TENM2: variants seen among roughly 807,000 people sequenced by gnomAD.
TENM2 encodes the protein teneurin-2.
In TENM2, 52 loss-of-function variants were observed where a neutral mutation model predicts 245.2. That is an observed-to-expected ratio of 0.21 (90% CI 0.17 to 0.27). TENM2 has a LOEUF of 0.27. TENM2 is among the 10% of genes least tolerant of loss of function. The probability of loss-of-function intolerance (pLI) is 1.00; values close to 1 mark genes in which losing one functional copy is unlikely to be tolerated. For missense variants in TENM2, 3,046 were observed against 3,666.8 expected (o/e 0.83, Z 4.37); for synonymous variants, 1,363 against 1,438.9 (o/e 0.95, Z 1.19).
At chr5:167,321,948 C>T (rs899259456) in intron 1 of TENM2, among the ~76,000 whole-genome samples, 1 of 151,802 alleles carries the variant, frequency 6.6e-6, no homozygotes, top group Non-Finnish European at 1.5e-5. Context: ...CTGGCCTCAG[C>T]CTCCCTAGTA....
intron 7 of TENM2, among the ~76,000 whole-genome samples, chr5:168,063,439 G>A (rs1790219071): frequency 6.6e-6 from 1 of 151,996 alleles, no homozygotes; most frequent in African/African-American, 2.4e-5. Flanking sequence ...AATAAGAATT[G>A]TATATCCTGT....
At chr5:168,262,784 A>C in exon 29 of TENM2, 2 of 1,606,138 alleles carry the variant, frequency 1.2e-6, no homozygotes, top group Non-Finnish European at 8.5e-7. Context: ...CCAGTTTTTA[A>C]GACAGAATGA....
At chr5:167,506,995 TAAAATGTCAGTTAATTATGA>T (rs1769603343) in intron 2 of TENM2, among the ~76,000 whole-genome samples, 2 of 152,326 alleles carry the variant, frequency 1.3e-5, no homozygotes, top group African/African-American at 4.8e-5. Flanking sequence ...TTTTCTAATG[TAAAATGTCAGTTAATTATGA>T]ATACATATTA....
intron 4 of TENM2, among the ~76,000 whole-genome samples, chr5:167,964,191 C>T (rs76421939): frequency 0.013 from 1,949 of 152,296 alleles, 37 homozygotes; most frequent in African/African-American, 0.045. Context: ...TCTTCCCGGT[C>T]GGCTGCTTCT....
intron 2 of TENM2, among the ~76,000 whole-genome samples, chr5:167,791,416 AATATATAATATATTATATATTT>A (rs995197231): frequency 5.0e-5 from 6 of 120,742 alleles, no homozygotes; most frequent in South Asian, 2.7e-4. Flanking sequence ...ATAGATATGA[AATATATAATATATTATATATTT>A]ATATATAATA....
intron 2 of TENM2, among the ~76,000 whole-genome samples, chr5:167,613,335 T>G (rs912957144): frequency 6.6e-6 from 1 of 152,208 alleles, no homozygotes; most frequent in African/African-American, 2.4e-5. Flanking sequence ...AAACCAGGGC[T>G]GTACTAGGTG....
At chr5:167,204,652 T>G in the TENM2 span, among the ~76,000 whole-genome samples, 2 of 152,148 alleles carry the variant, frequency 1.3e-5, no homozygotes, top group Admixed American at 1.3e-4. Context: ...GGAAATCTTA[T>G]GACCTTCTTG....
intron 2 of TENM2, among the ~76,000 whole-genome samples, chr5:167,709,298 A>G (rs1165615870): frequency 1.3e-5 from 2 of 152,058 alleles, no homozygotes; most frequent in East Asian, 3.9e-4. Flanking sequence ...GCACTTTTCT[A>G]TTTAGTTTTT....
At chr5:167,019,262 C>T in the TENM2 span, among the ~76,000 whole-genome samples, 1 of 152,166 alleles carries the variant, frequency 6.6e-6, no homozygotes, top group South Asian at 2.1e-4. Context: ...TAGAGAAGGA[C>T]TTTCCAAACA....
chr5:167,702,545 T>C (rs1179989734), intron 2 of TENM2, among the ~76,000 whole-genome samples: 1 of 121,180 alleles, frequency 8.3e-6, no homozygotes, highest in Non-Finnish European at 1.6e-5. Context: ...TATGTATGTG[T>C]GTGTGTGTAT....
intron 5 of TENM2, among the ~76,000 whole-genome samples, chr5:168,039,495 A>G (rs546279798): frequency 6.6e-6 from 1 of 152,276 alleles, no homozygotes; most frequent in Non-Finnish European, 1.5e-5. Flanking sequence ...ATCATTCTCT[A>G]AAGGTATTTT....
chr5:167,139,341 G>A, the TENM2 span, among the ~76,000 whole-genome samples: 1 of 152,216 alleles, frequency 6.6e-6, no homozygotes, highest in Non-Finnish European at 1.5e-5. Context: ...CCATCTCATA[G>A]TTGTTTTGGA....
At chr5:168,098,634 TAAGA>T (rs1460709650) in intron 9 of TENM2, among the ~76,000 whole-genome samples, 2 of 152,094 alleles carry the variant, frequency 1.3e-5, no homozygotes, top group African/African-American at 4.8e-5. Flanking sequence ...AAAGGTAATA[TAAGA>T]AAGAAAATGC....
chr5:167,417,988 A>G (rs2127417076), intron 2 of TENM2, among the ~76,000 whole-genome samples: 1 of 152,316 alleles, frequency 6.6e-6, no homozygotes, highest in South Asian at 2.1e-4. Context: ...GTCACTAAGT[A>G]TTTGTGCTTG....
At chr5:167,475,529 C>T (rs1767314653) in intron 2 of TENM2, among the ~76,000 whole-genome samples, 1 of 151,754 alleles carries the variant, frequency 6.6e-6, no homozygotes, top group South Asian at 2.1e-4. Context: ...GCTGAACGTG[C>T]GGGTTTGTTA....
chr5:167,852,807 A>T (rs1770706199), intron 2 of TENM2, among the ~76,000 whole-genome samples: 1 of 152,224 alleles, frequency 6.6e-6, no homozygotes, highest in Non-Finnish European at 1.5e-5. Context: ...AAAAAGGAAT[A>T]CAGCCATCCT....
intron 1 of TENM2, among the ~76,000 whole-genome samples, chr5:167,293,976 CTGTG>C (rs55869331): frequency 3.8e-4 from 57 of 148,750 alleles, no homozygotes; most frequent in Middle Eastern, 3.4e-3. Context: ...GATGTGAGTT[CTGTG>C]TGTGTGTGTG....
At chr5:168,004,557 A>ACC (rs1554170212) in intron 5 of TENM2, among the ~76,000 whole-genome samples, 19 of 147,436 alleles carry the variant, frequency 1.3e-4, no homozygotes, top group East Asian at 5.8e-4. Context: ...ACACACACAC[A>ACC]CCACTATCCC....
At chr5:167,243,027 G>GTT in the TENM2 span, among the ~76,000 whole-genome samples, 1 of 147,212 alleles carries the variant, frequency 6.8e-6, no homozygotes, top group Non-Finnish European at 1.5e-5. Flanking sequence ...ACATGTTGAG[G>GTT]TTTTTTTTTT....
Sources: gnomAD v4.1 joint callset for allele counts (sites outside exome capture counted in the v4.1 genomes callset) on GRCh38, gnomAD v4.1.1 for gene constraint, MANE v1.5 for transcripts, NCBI Gene and HGNC (gene_info 2026-07-23, HGNC 2026-07-21) for gene names.